The following MEIS2 variants were observed in gnomAD, a reference collection of about 807,000 sequenced individuals.
The protein encoded by MEIS2 is Meis homeobox 2.
A neutral mutation model predicts 58.6 loss-of-function variants in MEIS2; 9 were observed. The observed-to-expected ratio is 0.15, with a 90% CI of 0.09 to 0.27. The LOEUF is 0.27. MEIS2 is among the 10% of genes least tolerant of loss of function. The pLI is 1.00. For synonymous variants in MEIS2, 221 were observed against 228.4 expected (o/e 0.97, Z 0.29); for missense variants, 427 against 635.0 (o/e 0.67, Z 3.52).
intron 2 of MEIS2, among the ~76,000 whole-genome samples, chr15:37,097,040 G>T (rs1205330275): frequency 6.6e-6 from 1 of 152,172 alleles, no homozygotes; most frequent in Non-Finnish European, 1.5e-5. Flanking sequence ...ATAATAGGAA[G>T]GTTACACACT....
At chr15:37,089,014 G>T (rs891922128) in intron 6 of MEIS2, among the ~76,000 whole-genome samples, 1 of 152,134 alleles carries the variant, frequency 6.6e-6, no homozygotes, top group Admixed American at 6.5e-5. Flanking sequence ...CAACTGCACA[G>T]TCTAAATGAT....
At chr15:37,063,529 A>G (rs925638116) in intron 7 of MEIS2, among the ~76,000 whole-genome samples, 2 of 152,230 alleles carry the variant, frequency 1.3e-5, no homozygotes, top group Non-Finnish European at 1.5e-5. Flanking sequence ...CAAGCTTATG[A>G]GGATTAAATT....
intron 8 of MEIS2, among the ~76,000 whole-genome samples, chr15:36,970,772 G>C (rs1055118981): frequency 6.6e-6 from 1 of 152,130 alleles, no homozygotes; most frequent in Non-Finnish European, 1.5e-5. Context: ...GTAAACTAGA[G>C]AATCTTTATA....
At chr15:36,989,388 G>T (rs550794215) in intron 8 of MEIS2, among the ~76,000 whole-genome samples, 1 of 152,160 alleles carries the variant, frequency 6.6e-6, no homozygotes, top group Non-Finnish European at 1.5e-5. Flanking sequence ...CAGTATTCGC[G>T]TTTGAAAATA....
intron 8 of MEIS2, among the ~76,000 whole-genome samples, chr15:36,962,211 T>C (rs907464442): frequency 9.8e-5 from 15 of 152,356 alleles, no homozygotes; most frequent in African/African-American, 3.4e-4. Flanking sequence ...TGGTATGTTG[T>C]GGCTTTCGCA....
intron 8 of MEIS2, among the ~76,000 whole-genome samples, chr15:37,003,475 A>G (rs1427968653): frequency 1.3e-5 from 2 of 152,194 alleles, no homozygotes; most frequent in African/African-American, 4.8e-5. Context: ...AAAAAAATCA[A>G]TAAAAGGCAA....
intron 9 of MEIS2, among the ~76,000 whole-genome samples, chr15:36,903,306 T>C (rs987417056): frequency 1.3e-5 from 2 of 152,174 alleles, no homozygotes; most frequent in East Asian, 1.9e-4. Context: ...TTCAAAGCTA[T>C]TTGAAAGCAA....
chr15:36,916,903 T>G (rs978905495), intron 9 of MEIS2, among the ~76,000 whole-genome samples: 2 of 152,206 alleles, frequency 1.3e-5, no homozygotes, highest in African/African-American at 4.8e-5. Context: ...CATCCCCATT[T>G]TCTGGTTGGG....
intron 9 of MEIS2, among the ~76,000 whole-genome samples, chr15:36,937,451 A>G (rs549862977): frequency 6.6e-6 from 1 of 152,226 alleles, no homozygotes; most frequent in Admixed American, 6.5e-5. Context: ...GGGATTTAAG[A>G]AACAGCTTAT....
At chr15:37,018,398 C>A (rs2141663826) in intron 8 of MEIS2, among the ~76,000 whole-genome samples, 1 of 152,264 alleles carries the variant, frequency 6.6e-6, no homozygotes, top group East Asian at 1.9e-4. Flanking sequence ...CCAGTAAGAC[C>A]CACATCATCT....
intron 5 of MEIS2, 80 bp downstream of exon 5, chr15:37,094,445 TAG>T: frequency 7.3e-7 from 1 of 1,373,290 alleles, no homozygotes. Context: ...TCCCTCACAC[TAG>T]AGGTTTGTTA....
chr15:37,096,201 G>A, intron 3 of MEIS2, 88 bp downstream of exon 3: 1 of 1,388,280 alleles, frequency 7.2e-7, no homozygotes, highest in Non-Finnish European at 9.7e-7. Context: ...GGGTGTCCCT[G>A]GCCTTTCCTC....
At chr15:37,013,241 A>G (rs2061226275) in intron 8 of MEIS2, among the ~76,000 whole-genome samples, 1 of 152,274 alleles carries the variant, frequency 6.6e-6, no homozygotes, top group Middle Eastern at 3.4e-3. Context: ...CTTACTTCTG[A>G]GGAACACAGA....
chr15:37,048,035 G>A (rs940221530), intron 7 of MEIS2, among the ~76,000 whole-genome samples: 11 of 152,086 alleles, frequency 7.2e-5, no homozygotes, highest in East Asian at 1.9e-4. Context: ...TATTTTTAGC[G>A]TTGTGAAGTG....
chr15:37,093,755 G>T, intron 5 of MEIS2, 25 bp from the exon 6 acceptor site: 2 of 1,610,386 alleles, frequency 1.2e-6, no homozygotes, highest in South Asian at 1.1e-5. Flanking sequence ...ATGGTGGAGG[G>T]TTTAGCTCAT....
In MEIS2 at chr15:37,094,563, T is replaced by A; in HGVS notation, c.453A>T (p.Ile151=). The change falls in exon 5 of 12, where the codon ATA becomes ATT. Residue 151 remains isoleucine (I), a synonymous_variant. Transcript: ENST00000561208. ...PELDNLMIQA[I]QVLRFHLLEL... is the part of the protein sequence containing the mutation. Reference sequence around the variant, plus strand: ...CCAAAAGATGAAACCTTAGTACTTGTATTGCTTGTATCATCTGAAAGAAAA... The same window carrying A: ...CCAAAAGATGAAACCTTAGTACTTGAATTGCTTGTATCATCTGAAAGAAAA... 2 of 1,612,674 alleles carry A rather than the reference T, an allele frequency of 1.2e-6. No homozygotes were observed. The highest frequency in any genetic ancestry group is 1.7e-6 in the Non-Finnish European group (2 of 1,179,420).
intron 8 of MEIS2, among the ~76,000 whole-genome samples, chr15:36,951,495 G>A (rs2058748829): frequency 6.6e-6 from 1 of 152,202 alleles, no homozygotes; most frequent in South Asian, 2.1e-4. Flanking sequence ...GTATTTGAGA[G>A]AGTGAATGTT....
At chr15:36,967,254 G>A (rs1322588277) in intron 8 of MEIS2, among the ~76,000 whole-genome samples, 1 of 152,078 alleles carries the variant, frequency 6.6e-6, no homozygotes, top group Non-Finnish European at 1.5e-5. Flanking sequence ...GTGATGTGTG[G>A]TTATTCAGCA....
intron 9 of MEIS2, among the ~76,000 whole-genome samples, chr15:36,919,061 T>G (rs1475917821): frequency 6.6e-6 from 1 of 151,786 alleles, no homozygotes; most frequent in South Asian, 2.1e-4. Context: ...GGAGTTTGAG[T>G]CCCAGCTACT....
Sources: allele counts gnomAD v4.1 joint callset (sites outside exome capture counted in the v4.1 genomes callset), GRCh38; gene constraint gnomAD v4.1.1; transcripts MANE v1.5; gene names NCBI Gene and HGNC (gene_info 2026-07-23, HGNC 2026-07-21).